Variants in NCAM1 observed in about 807,000 individuals in gnomAD.
NCAM1 encodes the protein neural cell adhesion molecule 1.
NCAM1 carries 14 observed loss-of-function variants against 109.8 expected under a neutral mutation model. The ratio of observed to expected loss-of-function variants is 0.13; its 90% CI spans 0.08 to 0.20. The LOEUF (loss-of-function observed/expected upper bound fraction) is 0.20, where lower values mean the gene tolerates loss of function less well. Ranked by LOEUF, NCAM1 falls within the 10% of genes least tolerant of loss-of-function variation. The pLI, the probability that NCAM1 is intolerant of heterozygous loss-of-function variation, is 1.00. For synonymous variants in NCAM1, 418 were observed against 442.9 expected, an observed-to-expected ratio of 0.94 and a Z score of 0.70; for missense variants, 774 against 1,109.9, an observed-to-expected ratio of 0.70 and a Z score of 4.30.
In NCAM1 at chr11:112,961,631, C is replaced by A. The variant is rs7105734; in HGVS notation, c.19C>A (p.Leu7Ile). Reference protein sequence around the residue: MLQTKDLIWTLFFLGTA... With the variant: MLQTKDIIWTLFFLGTA... ...GATTACAATGCTGCAAACTAAGGAT[C>A]TCATCTGGACTTTGTTTTTCCTGGG... The change falls in exon 1 of 20, where the codon CTC (leucine) becomes ATC (isoleucine). Residue 7 changes from leucine to isoleucine, a missense_variant. Around this residue, in one of 4 missense-constraint regions of NCAM1, gnomAD observed 112 missense variants for 142.0 expected, o/e 0.79. Transcript: ENST00000316851. The A allele has an allele frequency of 2.7e-6, 4 of 1,495,540 alleles. No homozygotes were observed. In the South Asian group the frequency reaches 3.5e-5, roughly 13 times the overall value. The allele number at this position is 1,495,540 out of a possible 1,614,324, so 92.6% of individuals were successfully genotyped here.
intron 2 of NCAM1, among the ~76,000 whole-genome samples, chr11:113,203,529 C>T (rs1944137961): frequency 6.6e-6 from 1 of 152,342 alleles, no homozygotes; most frequent in East Asian, 1.9e-4. Context: ...GATCTGAGCG[C>T]CCTTCCAGCT....
intron 1 of NCAM1, among the ~76,000 whole-genome samples, chr11:113,130,355 G>A (rs1217132107): frequency 2.6e-5 from 4 of 152,126 alleles, no homozygotes; most frequent in African/African-American, 4.8e-5. Context: ...AGACACTGGG[G>A]CACAACACTG....
At chr11:113,068,246 G>A (rs1409814831) in intron 1 of NCAM1, among the ~76,000 whole-genome samples, 1 of 152,042 alleles carries the variant, frequency 6.6e-6, no homozygotes, top group Admixed American at 6.6e-5. Context: ...CCTGAACATG[G>A]GCTTGTTGAT....
At chr11:113,068,335 T>G (rs540467358) in intron 1 of NCAM1, among the ~76,000 whole-genome samples, 13 of 152,328 alleles carry the variant, frequency 8.5e-5, no homozygotes, top group Non-Finnish European at 1.6e-4. Context: ...AGCCCTGTGA[T>G]TAAGCATCGG....
intron 1 of NCAM1, among the ~76,000 whole-genome samples, chr11:113,074,420 A>G (rs543756274): frequency 6.6e-6 from 1 of 152,148 alleles, no homozygotes; most frequent in Non-Finnish European, 1.5e-5. Flanking sequence ...AAGCAACTTG[A>G]GTTCTTTATG....
intron 1 of NCAM1, among the ~76,000 whole-genome samples, chr11:113,102,044 AAATG>A (rs1468636222): frequency 6.6e-6 from 1 of 152,248 alleles, no homozygotes; most frequent in Non-Finnish European, 1.5e-5. Context: ...CTGATTAACA[AAATG>A]AAAGAAAATG....
chr11:113,021,163 C>G (rs146129423), intron 1 of NCAM1, among the ~76,000 whole-genome samples: 4 of 152,294 alleles, frequency 2.6e-5, no homozygotes, highest in African/African-American at 7.2e-5. Context: ...TGAGTGTTTA[C>G]CACATGCCAG....
chr11:112,982,993 C>G (rs150330907), intron 1 of NCAM1, among the ~76,000 whole-genome samples: 1 of 151,964 alleles, frequency 6.6e-6, no homozygotes, highest in Admixed American at 6.6e-5. Flanking sequence ...GGACCAGGAA[C>G]GGAACTTAGC....
chr11:113,148,320 G>C (rs1443650012), intron 1 of NCAM1, among the ~76,000 whole-genome samples: 3 of 151,298 alleles, frequency 2.0e-5, no homozygotes, highest in Non-Finnish European at 2.9e-5. Flanking sequence ...CAGTCACCTG[G>C]GCCAGTTCTG....
rs782293017 is a variant in NCAM1 at position 113,270,192 on chromosome 11, C to T, written c.2136C>T (p.Asn712=). 37 of 1,613,936 alleles carry T rather than the reference C, an allele frequency of 2.3e-5. No homozygotes were observed. The highest frequency in any genetic ancestry group is 6.6e-5 in the South Asian group (6 of 91,080). The stretch of plus-strand genomic sequence containing the variant: ...GCCATCTCTCTCCCACTCAAGCCAA[C>T]GGCAGCCCCACCTCAGGCCTGAGCA... ...TSAQPTAIPA[N]GSPTSGLSTG... The change falls in exon 18 of 20, where the codon AAC becomes AAT. Residue 712 remains asparagine, a synonymous_variant. Coordinates refer to ENST00000316851, the MANE Select transcript of NCAM1 (RefSeq NM_181351.5).
intron 1 of NCAM1, among the ~76,000 whole-genome samples, chr11:113,070,539 T>G (rs554967573): frequency 6.6e-6 from 1 of 151,376 alleles, no homozygotes; most frequent in African/African-American, 2.4e-5. Context: ...AGATGAGAGA[T>G]AGAGGAGAGA....
chr11:113,006,526 G>A (rs1591238734), intron 1 of NCAM1, among the ~76,000 whole-genome samples: 1 of 152,274 alleles, frequency 6.6e-6, no homozygotes, highest in East Asian at 1.9e-4. Flanking sequence ...CTTTAAACAA[G>A]TAAATAAATA....
At chr11:113,160,450 A>T (rs1396090832) in intron 1 of NCAM1, among the ~76,000 whole-genome samples, 3 of 152,126 alleles carry the variant, frequency 2.0e-5, no homozygotes, top group Admixed American at 6.5e-5. Context: ...CAAAATCCCA[A>T]ATCATGTGCA....
intron 1 of NCAM1, among the ~76,000 whole-genome samples, chr11:113,107,177 A>G (rs531780553): frequency 6.6e-6 from 1 of 152,270 alleles, no homozygotes; most frequent in Admixed American, 6.5e-5. Context: ...TGTAGTTGAG[A>G]AAGTTTGGGT....
intron 1 of NCAM1, among the ~76,000 whole-genome samples, chr11:113,023,277 C>G (rs1189681971): frequency 1.3e-5 from 2 of 152,152 alleles, no homozygotes; most frequent in Non-Finnish European, 2.9e-5. Flanking sequence ...TTGAAATTGC[C>G]CATTGAAACA....
chr11:113,250,047 A>T (rs1945624138), intron 15 of NCAM1, among the ~76,000 whole-genome samples: 1 of 152,176 alleles, frequency 6.6e-6, no homozygotes, highest in Admixed American at 6.6e-5. Flanking sequence ...AGGAACTAGG[A>T]TGGCAAAGAT....
intron 1 of NCAM1, among the ~76,000 whole-genome samples, chr11:113,178,547 G>A (rs1591390786): frequency 1.3e-5 from 2 of 152,152 alleles, no homozygotes; most frequent in Non-Finnish European, 2.9e-5. Context: ...TCCTTCATCC[G>A]GGAGGCCAAT....
chr11:113,223,381 C>T (rs1439200488), intron 9 of NCAM1, among the ~76,000 whole-genome samples: 1 of 152,080 alleles, frequency 6.6e-6, no homozygotes, highest in African/African-American at 2.4e-5. Context: ...CTTTAGAAGG[C>T]TGGTCTGTGG....
At chr11:113,158,420 GT>G (rs1427993349) in intron 1 of NCAM1, among the ~76,000 whole-genome samples, 1 of 152,178 alleles carries the variant, frequency 6.6e-6, no homozygotes, top group Non-Finnish European at 1.5e-5. Context: ...TTGCATGAAT[GT>G]TTTTCCCCTG....
Sources: allele counts gnomAD v4.1 joint callset (sites outside exome capture counted in the v4.1 genomes callset), GRCh38; gene constraint gnomAD v4.1.1; regional missense constraint gnomAD v4.1.1; transcripts MANE v1.5; gene names NCBI Gene and HGNC (gene_info 2026-07-23, HGNC 2026-07-21).